SPRY3: variants seen among roughly 807,000 people sequenced by gnomAD.
SPRY3 encodes the protein protein sprouty homolog 3.
SPRY3 carries 15 observed loss-of-function variants against 20.2 expected under a neutral mutation model. That is an observed-to-expected ratio of 0.74 (90% CI 0.50 to 1.14). SPRY3 has a LOEUF of 1.14. SPRY3 is among the 50% of genes most tolerant of loss of function. The pLI, the probability that SPRY3 is intolerant of heterozygous loss-of-function variation, is 0.00. For synonymous variants in SPRY3, 143 were observed against 136.5 expected (o/e 1.05, Z -0.33); for missense variants, 364 against 363.9 (o/e 1.00, Z 0.00).
At chrX:155,744,641 A>G (rs1391229620) in intron 2 of SPRY3, among the ~76,000 whole-genome samples, 1 of 152,120 alleles carries the variant, frequency 6.6e-6, no homozygotes, top group East Asian at 1.9e-4. Context: ...AAAAAAATAC[A>G]ACATGAGTGC....
intron 2 of SPRY3, among the ~76,000 whole-genome samples, chrX:155,755,826 G>C (rs1245473216): frequency 6.6e-6 from 1 of 152,038 alleles, no homozygotes; most frequent in Non-Finnish European, 1.5e-5. Flanking sequence ...GAAGAAGAAA[G>C]TGCCAGAGGG....
chrX:155,627,286 G>T (rs2067891304), intron 1 of SPRY3, among the ~76,000 whole-genome samples: 1 of 111,749 alleles, frequency 8.9e-6, no homozygotes, highest in Non-Finnish European at 1.9e-5. Context: ...CTACTTTAAT[G>T]AGATTAACTT....
At chrX:155,741,190 G>A (rs1349309176) in intron 2 of SPRY3, among the ~76,000 whole-genome samples, 1 of 152,038 alleles carries the variant, frequency 6.6e-6, no homozygotes, top group Non-Finnish European at 1.5e-5. Flanking sequence ...CACAACAGGA[G>A]AACTTCACAA....
chrX:155,727,896 T>C (rs1025122537), intron 2 of SPRY3, among the ~76,000 whole-genome samples: 1 of 152,180 alleles, frequency 6.6e-6, no homozygotes, highest in Non-Finnish European at 1.5e-5. Context: ...ATTTTTAGAA[T>C]TTTCAGCTTT....
At chrX:155,698,133 A>C (rs764334783) in intron 2 of SPRY3, among the ~76,000 whole-genome samples, 20 of 111,322 alleles carry the variant, frequency 1.8e-4, no homozygotes, top group Non-Finnish European at 3.8e-4. Context: ...TCAAATCTGC[A>C]TTCAATGCAA....
intron 2 of SPRY3, among the ~76,000 whole-genome samples, chrX:155,692,198 T>G (rs2068105005): frequency 9.0e-6 from 1 of 111,058 alleles, no homozygotes; most frequent in African/African-American, 3.3e-5. Flanking sequence ...ATTTTACATT[T>G]AGCTCCCTGG....
chrX:155,621,108 T>C (rs2067869645), intron 1 of SPRY3, among the ~76,000 whole-genome samples: 1 of 111,951 alleles, frequency 8.9e-6, no homozygotes, highest in Non-Finnish European at 1.9e-5. Flanking sequence ...TACCAACTAT[T>C]ATTGTTCACA....
At chrX:155,755,475 C>G (rs1366688212) in intron 2 of SPRY3, among the ~76,000 whole-genome samples, 1 of 151,926 alleles carries the variant, frequency 6.6e-6, no homozygotes. Flanking sequence ...CTCATTTATG[C>G]TATATATTTG....
At chrX:155,750,742 A>G (rs2091258193) in intron 2 of SPRY3, among the ~76,000 whole-genome samples, 1 of 151,872 alleles carries the variant, frequency 6.6e-6, no homozygotes. Context: ...AGCAGATGGT[A>G]TAAAATAGAC....
rs749979693 is a variant in SPRY3 at position 155,719,443 on chromosome X, A to G, written c.-281-48519A>G. On this transcript the variant is annotated intron_variant, in intron 2 of 3. Transcript: ENST00000675360. ...CTAGTGCTGAACTGGGCCTAGAGAC[A>G]ATGGACTGGGGAGCGTGTGACCTAC... Among the ~76,000 whole-genome samples the G allele has an allele frequency of 1.6e-3, 243 of 152,160 alleles. 1 individual carries two copies. The highest frequency in any genetic ancestry group is 5.7e-3 in the African/African-American group (235 of 41,522).
chrX:155,663,340 A>G (rs1302877831), intron 2 of SPRY3, among the ~76,000 whole-genome samples: 2 of 112,020 alleles, frequency 1.8e-5, no homozygotes, highest in Non-Finnish European at 3.8e-5. Context: ...AGAATAAATA[A>G]TGGGGATGGA....
At chrX:155,763,674 C>A (rs1335570004) in intron 2 of SPRY3, among the ~76,000 whole-genome samples, 1 of 152,130 alleles carries the variant, frequency 6.6e-6, no homozygotes, top group Non-Finnish European at 1.5e-5. Context: ...ATGCACATTG[C>A]TACCAATCCA....
chrX:155,646,695 AGGGT>A (rs2124541124), intron 1 of SPRY3, among the ~76,000 whole-genome samples: 1 of 111,810 alleles, frequency 8.9e-6, no homozygotes, highest in East Asian at 2.8e-4. Context: ...TGATGCCTTC[AGGGT>A]TTTCTACATG....
At position 155,657,529 on chromosome X, in the gene SPRY3, A is replaced by G. The variant is rs782449399; in HGVS notation, c.-282+504A>G. On this transcript the variant is annotated intron_variant, in intron 2 of 3. Transcript: ENST00000675360. The stretch of plus-strand genomic sequence containing the variant: ...CTAGCAGCAAGAATTTCAAGCCATT[A>G]GTTCTTAGCTTGCTGGGCTCCACGG... 6.2e-5 allele frequency among the ~76,000 whole-genome samples: 7 copies of G among 112,292 alleles called. No individual in the cohort carries two copies. The South Asian group carries it at 1.1e-3, about 18-fold the overall frequency.
intron 2 of SPRY3, among the ~76,000 whole-genome samples, chrX:155,751,936 A>AATAAG (rs2091264490): frequency 5.1e-5 from 2 of 39,518 alleles, no homozygotes; most frequent in African/African-American, 4.6e-4. Context: ...AATAAAATAA[A>AATAAG]ATAAAATAAA....
intron 2 of SPRY3, among the ~76,000 whole-genome samples, chrX:155,737,365 G>A (rs2091176462): frequency 6.6e-6 from 1 of 152,028 alleles, no homozygotes; most frequent in Admixed American, 6.6e-5. Context: ...ACAATGGTGA[G>A]CACAATAGAA....
chrX:155,649,990 G>C (rs2067971345), intron 1 of SPRY3, among the ~76,000 whole-genome samples: 1 of 111,380 alleles, frequency 9.0e-6, no homozygotes, highest in South Asian at 3.7e-4. Context: ...GCCAAATCAT[G>C]AGTGAACTCC....
exon 4 of SPRY3, chrX:155,774,964 C>G: frequency 1.6e-6 from 1 of 606,200 alleles, no homozygotes; most frequent in Non-Finnish European, 2.9e-6. Context: ...CCTGCCAGCT[C>G]AGCCTTTATG....
chrX:155,660,143 T>G (rs1323548942), intron 2 of SPRY3, among the ~76,000 whole-genome samples: 1 of 111,748 alleles, frequency 8.9e-6, no homozygotes, highest in Non-Finnish European at 1.9e-5. Context: ...CTTTCTATCT[T>G]TTGAATGTAG....
Sources: allele counts gnomAD v4.1 joint callset (sites outside exome capture counted in the v4.1 genomes callset), GRCh38; gene constraint gnomAD v4.1.1; transcripts MANE v1.5; gene names NCBI Gene and HGNC (gene_info 2026-07-23, HGNC 2026-07-21).